RSRC1: variants seen among roughly 807,000 people sequenced by gnomAD.
The protein encoded by RSRC1 is arginine and serine rich coiled-coil 1.
In RSRC1, 39 loss-of-function variants were observed where a neutral mutation model predicts 49.1. The ratio of observed to expected loss-of-function variants is 0.79; its 90% CI spans 0.61 to 1.04. The LOEUF (loss-of-function observed/expected upper bound fraction) is 1.04, where lower values mean the gene tolerates loss of function less well. Among genes scored for constraint, RSRC1 ranks in the 50% least tolerant of loss-of-function variants. The probability of loss-of-function intolerance (pLI) is 0.00; values close to 1 mark genes in which losing one functional copy is unlikely to be tolerated. For missense variants in RSRC1, 388 were observed against 402.4 expected (o/e 0.96, Z 0.31); for synonymous variants, 143 against 130.8 (o/e 1.09, Z -0.63).
intron 6 of RSRC1, among the ~76,000 whole-genome samples, chr3:158,431,093 G>A (rs1419008822): frequency 1.3e-5 from 2 of 151,864 alleles, no homozygotes; most frequent in African/African-American, 2.4e-5. Context: ...AACCCTTTTA[G>A]CACCTCATTG....
chr3:158,543,152 A>T (rs1713134171), intron 8 of RSRC1, among the ~76,000 whole-genome samples, 183 bp from the exon 9 acceptor site: 1 of 152,174 alleles, frequency 6.6e-6, no homozygotes, highest in Non-Finnish European at 1.5e-5. Context: ...CTAAACAAAC[A>T]AATATAAAAA....
intron 3 of RSRC1, among the ~76,000 whole-genome samples, chr3:158,182,560 A>C (rs925487967): frequency 2.6e-5 from 4 of 152,126 alleles, no homozygotes; most frequent in Non-Finnish European, 5.9e-5. Context: ...CATAGTACTT[A>C]TTGCAGCCTT....
chr3:158,206,213 T>G (rs1303669568), intron 4 of RSRC1, among the ~76,000 whole-genome samples: 1 of 152,170 alleles, frequency 6.6e-6, no homozygotes, highest in Non-Finnish European at 1.5e-5. Context: ...CTAAGCATGT[T>G]GGCTTTCATT....
At chr3:158,428,702 C>T (rs1197711773) in intron 6 of RSRC1, among the ~76,000 whole-genome samples, 1 of 151,842 alleles carries the variant, frequency 6.6e-6, no homozygotes, top group Non-Finnish European at 1.5e-5. Flanking sequence ...GTGGCAAAGG[C>T]TAGAAAGCAA....
chr3:158,449,874 T>A (rs542640000), intron 6 of RSRC1, among the ~76,000 whole-genome samples: 1 of 152,002 alleles, frequency 6.6e-6, no homozygotes, highest in Admixed American at 6.6e-5. Flanking sequence ...TCCCTTGGAT[T>A]ATATGGAAAC....
chr3:158,479,240 T>C (rs1221798270), intron 7 of RSRC1, among the ~76,000 whole-genome samples: 1 of 148,730 alleles, frequency 6.7e-6, no homozygotes, highest in Non-Finnish European at 1.5e-5. Context: ...TTTTAAAATG[T>C]TTTTAAAATA....
intron 3 of RSRC1, among the ~76,000 whole-genome samples, chr3:158,137,658 T>TC (rs1387765641): frequency 1.3e-5 from 2 of 149,390 alleles, no homozygotes; most frequent in African/African-American, 4.9e-5. Flanking sequence ...TCTTTTTCTT[T>TC]TTTTTTTTTT....
At position 158,420,796 on chromosome 3, in the gene RSRC1, G is replaced by A. The variant is rs1291115234; in HGVS notation, c.584-40139G>A. ...AAAATAGCTAAAACAAACTTTATTG[G>A]TAATTTAAAATATTTATTGAGCACT... On this transcript the variant is annotated intron_variant, in intron 6 of 9. Transcript: ENST00000611884. Among the ~76,000 whole-genome samples the A allele has an allele frequency of 2.0e-5, 3 of 151,930 alleles. No individual in the cohort carries two copies. The East Asian group carries it at 5.9e-4, about 30-fold the overall frequency.
At chr3:158,443,075 C>G (rs1736472401) in intron 6 of RSRC1, among the ~76,000 whole-genome samples, 1 of 152,038 alleles carries the variant, frequency 6.6e-6, no homozygotes, top group African/African-American at 2.4e-5. Flanking sequence ...CTTTGTTGTT[C>G]CATTTATAGA....
At chr3:158,288,836 C>A (rs1726740285) in intron 4 of RSRC1, among the ~76,000 whole-genome samples, 2 of 762 alleles carry the variant, frequency 2.6e-3, no homozygotes, top group African/African-American at 6.8e-3. Context: ...ACGTTCCCCG[C>A]CCCCCCCCCC....
At chr3:158,491,516 C>T (rs1020783302) in intron 7 of RSRC1, among the ~76,000 whole-genome samples, 2 of 151,956 alleles carry the variant, frequency 1.3e-5, no homozygotes, top group South Asian at 2.1e-4. Flanking sequence ...GGATCCCAAA[C>T]GAAGAATGTT....
At chr3:158,537,370 T>A (rs1320438897) in intron 8 of RSRC1, among the ~76,000 whole-genome samples, 172 bp downstream of exon 8, 1 of 151,638 alleles carries the variant, frequency 6.6e-6, no homozygotes, top group Non-Finnish European at 1.5e-5. Context: ...GTCACTTTAA[T>A]ACAAGTTTAA....
intron 7 of RSRC1, among the ~76,000 whole-genome samples, chr3:158,494,954 A>G (rs776437371): frequency 2.0e-5 from 3 of 152,192 alleles, no homozygotes; most frequent in Non-Finnish European, 4.4e-5. Flanking sequence ...AAACACATAA[A>G]CCAGTAACAT....
intron 6 of RSRC1, among the ~76,000 whole-genome samples, chr3:158,423,732 T>C (rs1012107850): frequency 6.6e-6 from 1 of 152,150 alleles, no homozygotes; most frequent in Non-Finnish European, 1.5e-5. Flanking sequence ...TTTCATTTGT[T>C]GTATCCTCTT....
intron 6 of RSRC1, among the ~76,000 whole-genome samples, chr3:158,375,914 A>T (rs1732331540): frequency 6.6e-6 from 1 of 152,146 alleles, no homozygotes; most frequent in Non-Finnish European, 1.5e-5. Context: ...GGCACCAGGG[A>T]CCAGGTGGTT....
chr3:158,426,471 G>A lies in RSRC1; in HGVS notation c.584-34464G>A, dbSNP rs141093411. On this transcript the variant is annotated intron_variant, in intron 6 of 9. Transcript: ENST00000611884. ...TTAAGGAGATACACAGCCTCTTTGG[G>A]AACCGCATGTATTTTAAAAAGATGC... 8.7e-3 allele frequency among the ~76,000 whole-genome samples: 1,321 copies of A among 151,566 alleles called. 12 individuals carry two copies. The highest frequency in any genetic ancestry group is 0.012 in the Non-Finnish European group (832 of 67,718).
chr3:158,228,256 C>G (rs543660377), intron 4 of RSRC1, among the ~76,000 whole-genome samples: 2 of 151,942 alleles, frequency 1.3e-5, no homozygotes, highest in South Asian at 2.1e-4. Flanking sequence ...GCTGACAGAC[C>G]TGGTAAAAGA....
intron 3 of RSRC1, among the ~76,000 whole-genome samples, chr3:158,180,419 C>CGTGTGTGTGTGT (rs374155981): frequency 0.053 from 2,174 of 40,694 alleles, 93 homozygotes; most frequent in African/African-American, 0.091. Flanking sequence ...TTTTTTTTGC[C>CGTGTGTGTGTGT]GTGTGTGTGT....
chr3:158,128,899 G>A (rs898922266), intron 3 of RSRC1, among the ~76,000 whole-genome samples: 1 of 152,176 alleles, frequency 6.6e-6, no homozygotes, highest in East Asian at 1.9e-4. Context: ...CTCGTGATTA[G>A]AGTGAGCTAT....
Sources: gnomAD v4.1 joint callset for allele counts (sites outside exome capture counted in the v4.1 genomes callset) on GRCh38, gnomAD v4.1.1 for gene constraint, MANE v1.5 for transcripts, NCBI Gene and HGNC (gene_info 2026-07-23, HGNC 2026-07-21) for gene names.